DENND4C: variants seen among roughly 807,000 people sequenced by gnomAD.
DENND4C encodes the protein DENN domain-containing protein 4C.
Under a neutral mutation model 203.0 loss-of-function variants are expected in DENND4C, and 108 were observed. The observed-to-expected ratio is 0.53, with a 90% CI of 0.46 to 0.62. The LOEUF (loss-of-function observed/expected upper bound fraction) is 0.62, where lower values mean the gene tolerates loss of function less well. DENND4C is among the 20% of genes least tolerant of loss of function. The probability of loss-of-function intolerance (pLI) is 0.00; values close to 1 mark genes in which losing one functional copy is unlikely to be tolerated. For synonymous variants in DENND4C, 871 were observed against 792.4 expected (o/e 1.10, Z -1.67); for missense variants, 2,481 against 2,301.2 (o/e 1.08, Z -1.60).
chr9:19,259,333 A>G (rs1588765098), intron 1 of DENND4C, among the ~76,000 whole-genome samples: 2 of 152,100 alleles, frequency 1.3e-5, no homozygotes, highest in East Asian at 3.9e-4. Flanking sequence ...AGCTCCCACA[A>G]ATGAGTAAGT....
intron 16 of DENND4C, among the ~76,000 whole-genome samples, chr9:19,330,584 T>G (rs1818889031): frequency 6.6e-6 from 1 of 151,898 alleles, no homozygotes; most frequent in Non-Finnish European, 1.5e-5. Flanking sequence ...GTGATCCACC[T>G]GCCTCGGCCT....
At chr9:19,312,317 G>T (rs1186353238) in intron 10 of DENND4C, among the ~76,000 whole-genome samples, 1 of 152,068 alleles carries the variant, frequency 6.6e-6, no homozygotes, top group African/African-American at 2.4e-5. Context: ...TGGCCAGGCT[G>T]GTTTCAAATT....
chr9:19,303,841 G>A (rs1374541812), intron 9 of DENND4C, among the ~76,000 whole-genome samples: 8 of 152,034 alleles, frequency 5.3e-5, no homozygotes, highest in Non-Finnish European at 1.0e-4. Context: ...TTTAGTACTA[G>A]CTAATTATTA....
intron 1 of DENND4C, among the ~76,000 whole-genome samples, chr9:19,235,946 A>G (rs2131360855): frequency 6.6e-6 from 1 of 150,832 alleles, no homozygotes; most frequent in Admixed American, 6.6e-5. Context: ...TGTTTTTGTA[A>G]TATTTAAAGG....
intron 1 of DENND4C, among the ~76,000 whole-genome samples, chr9:19,243,106 C>G (rs1824181951): frequency 6.6e-6 from 1 of 152,102 alleles, no homozygotes; most frequent in South Asian, 2.1e-4. Context: ...TTAATCACCC[C>G]AGAAAGAACC....
intron 10 of DENND4C, among the ~76,000 whole-genome samples, chr9:19,313,720 T>C (rs1028835386): frequency 6.6e-5 from 10 of 152,202 alleles, no homozygotes; most frequent in African/African-American, 2.4e-4. Context: ...TATGTTTGCT[T>C]CCATTCTGGT....
intron 20 of DENND4C, chr9:19,337,644 A>G (rs1427383330): frequency 3.1e-6 from 4 of 1,288,494 alleles, no homozygotes; most frequent in African/African-American, 3.0e-5. Flanking sequence ...GTGTGCATTA[A>G]TTCTACCCTT....
At chr9:19,256,931 G>C (rs1249987270) in intron 1 of DENND4C, among the ~76,000 whole-genome samples, 1 of 151,870 alleles carries the variant, frequency 6.6e-6, no homozygotes, top group Non-Finnish European at 1.5e-5. Context: ...TTAGCCGGGC[G>C]TGGTGGCAGG....
At chr9:19,305,598 C>T (rs1839493044) in intron 10 of DENND4C, 71 bp downstream of exon 10, 1 of 1,432,040 alleles carries the variant, frequency 7.0e-7, no homozygotes, top group South Asian at 1.4e-5. Flanking sequence ...TCTTTGAAAG[C>T]ATCTAGAAAT....
intron 23 of DENND4C, among the ~76,000 whole-genome samples, chr9:19,347,763 GT>G (rs1823227022): frequency 6.6e-6 from 1 of 152,138 alleles, no homozygotes; most frequent in Non-Finnish European, 1.5e-5. Flanking sequence ...AGTGTTTGAA[GT>G]TAATAAAAAT....
chr9:19,318,049 T>C (rs1453933727), intron 12 of DENND4C, among the ~76,000 whole-genome samples: 1 of 152,260 alleles, frequency 6.6e-6, no homozygotes, highest in East Asian at 1.9e-4. Flanking sequence ...ATGGGCGCAG[T>C]GGCTCACGCC....
chr9:19,336,356 A>C lies in DENND4C; in HGVS notation c.2676A>C (p.Ala892=). 1.9e-6 allele frequency: 3 copies of C among 1,614,030 alleles called. No homozygotes were observed. Among genetic ancestry groups the C allele is most frequent in the Non-Finnish European group, 2.5e-6 (3 of 1,179,956 alleles). The change falls in exon 19 of 33, where the codon GCA becomes GCC. Residue 892 remains alanine, a synonymous_variant. Coordinates refer to ENST00000434457, the MANE Select transcript of DENND4C (RefSeq NM_001330640.2). The part of the protein sequence containing the change: ...TKVRNVVRGL[A]QFRQPLKKTV... The stretch of plus-strand genomic sequence containing the variant: ...TACGGAATGTGGTACGTGGCTTGGC[A>C]CAGTTTAGGCAGCCGCTTAAAAAGA...
intron 15 of DENND4C, 99 bp from the exon 16 acceptor site, chr9:19,327,931 G>T (rs938918869): frequency 9.0e-7 from 1 of 1,112,360 alleles, no homozygotes; most frequent in African/African-American, 1.6e-5. Flanking sequence ...AATAATGTTG[G>T]ATACTATTTG....
chr9:19,310,818 G>C (rs368237693), intron 10 of DENND4C, among the ~76,000 whole-genome samples: 103 of 152,136 alleles, frequency 6.8e-4, no homozygotes, highest in African/African-American at 2.4e-3. Context: ...TTTTTGTTCA[G>C]CTGTTGAGAT....
intron 8 of DENND4C, among the ~76,000 whole-genome samples, chr9:19,299,508 T>C (rs566126527): frequency 2.0e-5 from 3 of 152,274 alleles, no homozygotes; most frequent in South Asian, 2.1e-4. Context: ...AGTTGCAAGA[T>C]TGGATGTAGA....
At chr9:19,235,019 C>A (rs1588702161) in intron 1 of DENND4C, among the ~76,000 whole-genome samples, 1 of 150,018 alleles carries the variant, frequency 6.7e-6, no homozygotes, top group Non-Finnish European at 1.5e-5. Flanking sequence ...TGGAATGGTG[C>A]AATGGGGTGA....
At chr9:19,307,498 A>T (rs900378282) in intron 10 of DENND4C, among the ~76,000 whole-genome samples, 1 of 151,844 alleles carries the variant, frequency 6.6e-6, no homozygotes, top group African/African-American at 2.4e-5. Context: ...GGCCGGGCAC[A>T]GTGGCTCATG....
chr9:19,319,439 T>C (rs144210786), intron 12 of DENND4C, among the ~76,000 whole-genome samples: 2,941 of 142,788 alleles, frequency 0.021, 122 homozygotes, highest in African/African-American at 0.073. Flanking sequence ...TATACACACA[T>C]ATATATATAC....
intron 13 of DENND4C, 126 bp downstream of exon 13, chr9:19,324,633 GT>G: frequency 5.2e-6 from 5 of 961,104 alleles, no homozygotes; most frequent in Non-Finnish European, 7.7e-6. Context: ...GTGTGTGTAT[GT>G]GTTACCGATT....
Sources: allele counts gnomAD v4.1 joint callset (sites outside exome capture counted in the v4.1 genomes callset), GRCh38; gene constraint gnomAD v4.1.1; transcripts MANE v1.5; gene names NCBI Gene and HGNC (gene_info 2026-07-23, HGNC 2026-07-21).